The following ADAMTSL3 variants were observed in gnomAD, a reference collection of about 807,000 sequenced individuals.
ADAMTSL3 encodes the protein ADAMTS-like protein 3.
A neutral mutation model predicts 201.7 loss-of-function variants in ADAMTSL3; 128 were observed. The ratio of observed to expected loss-of-function variants is 0.63; its 90% confidence interval spans 0.55 to 0.73. ADAMTSL3 has a LOEUF of 0.73. ADAMTSL3 is among the 30% of genes least tolerant of loss of function. ADAMTSL3 has a pLI of 0.00. For synonymous variants in ADAMTSL3, 738 were observed against 748.4 expected (o/e 0.99, Z 0.23); for missense variants, 1,990 against 2,119.6 (o/e 0.94, Z 1.20).
At chr15:84,007,464 A>T (rs2067915398) in intron 23 of ADAMTSL3, among the ~76,000 whole-genome samples, 1 of 152,178 alleles carries the variant, frequency 6.6e-6, no homozygotes, top group African/African-American at 2.4e-5. Context: ...CTGAGATGGG[A>T]GGATCCCTGG....
At chr15:83,680,516 T>G (rs77797052) in intron 2 of ADAMTSL3, among the ~76,000 whole-genome samples, 8 of 150,222 alleles carry the variant, frequency 5.3e-5, no homozygotes, top group Admixed American at 2.0e-4. Context: ...AGTTGTTGTT[T>G]TTTTTTTTTT....
intron 17 of ADAMTSL3, among the ~76,000 whole-genome samples, chr15:83,939,950 T>G (rs1263954573): frequency 6.6e-6 from 1 of 152,200 alleles, no homozygotes; most frequent in Non-Finnish European, 1.5e-5. Flanking sequence ...CATTTTCTAA[T>G]TCATTCATTT....
chr15:83,856,490 T>TA (rs1425980846), intron 7 of ADAMTSL3, among the ~76,000 whole-genome samples: 1 of 151,902 alleles, frequency 6.6e-6, no homozygotes. Context: ...TCCTTTTTTT[T>TA]AAAAAAAGCT....
chr15:83,901,773 T>A (rs1157569707), intron 15 of ADAMTSL3, among the ~76,000 whole-genome samples: 3 of 152,152 alleles, frequency 2.0e-5, no homozygotes, highest in Non-Finnish European at 4.4e-5. Context: ...CCTTCTCACA[T>A]CTCTGATCAC....
intron 9 of ADAMTSL3, among the ~76,000 whole-genome samples, chr15:83,874,664 C>T (rs2141837807): frequency 6.9e-6 from 1 of 144,024 alleles, no homozygotes; most frequent in East Asian, 2.3e-4. Flanking sequence ...AGATGCAGAG[C>T]TCTAAAGCCA....
At chr15:83,853,471 T>G (rs2064662223) in intron 7 of ADAMTSL3, among the ~76,000 whole-genome samples, 1 of 152,196 alleles carries the variant, frequency 6.6e-6, no homozygotes, top group African/African-American at 2.4e-5. Flanking sequence ...CATTTATAAA[T>G]GGTGTTACAA....
rs2061056606 is a variant in ADAMTSL3, at chr15:83,654,927, A to G, written c.-34+651A>G. On this transcript the variant is annotated intron_variant, in intron 1 of 29. Transcript: ENST00000286744. The surrounding 1 kb of genome is among the most constrained non-coding windows in gnomAD (Gnocchi z 5.3). Reference sequence around the variant, plus strand: ...CCCTTAATGCCTTCTCCAGATGGAGAGAAGCCACCGACCCGCCCCCGGACA... The same window carrying G: ...CCCTTAATGCCTTCTCCAGATGGAGGGAAGCCACCGACCCGCCCCCGGACA... 1.3e-5 allele frequency among the ~76,000 whole-genome samples: 2 copies of G among 152,186 alleles called. No individual in the cohort carries two copies. The highest frequency in any genetic ancestry group is 4.8e-5 in the African/African-American group (2 of 41,448).
chr15:83,828,215 G>T (rs1259380608), intron 6 of ADAMTSL3, among the ~76,000 whole-genome samples: 3 of 152,164 alleles, frequency 2.0e-5, no homozygotes, highest in Admixed American at 6.5e-5. Flanking sequence ...GCAGTGGTTT[G>T]TAGTTCTCCT....
intron 3 of ADAMTSL3, among the ~76,000 whole-genome samples, chr15:83,728,609 C>T (rs1038388531): frequency 7.2e-5 from 11 of 151,944 alleles, no homozygotes; most frequent in Non-Finnish European, 1.3e-4. Context: ...CATAAACAAA[C>T]TGACAAGCAA....
chr15:83,992,157 A>C (rs1216235813), intron 23 of ADAMTSL3, among the ~76,000 whole-genome samples: 1 of 152,042 alleles, frequency 6.6e-6, no homozygotes, highest in Non-Finnish European at 1.5e-5. Context: ...GTGACAGAGG[A>C]GCTTTTGCTG....
At chr15:83,960,752 A>C (rs745710922) in intron 19 of ADAMTSL3, among the ~76,000 whole-genome samples, 1 of 152,208 alleles carries the variant, frequency 6.6e-6, no homozygotes, top group Non-Finnish European at 1.5e-5. Context: ...GGTAGAGGAA[A>C]TAAGAGATTT....
intron 8 of ADAMTSL3, among the ~76,000 whole-genome samples, chr15:83,870,430 T>C (rs2141826428): frequency 6.6e-6 from 1 of 152,334 alleles, no homozygotes; most frequent in South Asian, 2.1e-4. Context: ...GCTGTGATTT[T>C]TGTCTAAAAG....
intron 17 of ADAMTSL3, among the ~76,000 whole-genome samples, 174 bp downstream of exon 17, chr15:83,924,207 C>T (rs1285094382): frequency 6.6e-6 from 1 of 152,236 alleles, no homozygotes; most frequent in Non-Finnish European, 1.5e-5. Flanking sequence ...CCTAGGTGCT[C>T]AGATGCAGCC....
intron 3 of ADAMTSL3, among the ~76,000 whole-genome samples, chr15:83,724,620 G>A (rs932315549): frequency 4.0e-5 from 6 of 151,662 alleles, no homozygotes; most frequent in Non-Finnish European, 7.4e-5. Flanking sequence ...ACCCTGTTGT[G>A]CTACCAGATA....
At chr15:84,033,853 TAA>T (rs1280966416) in intron 28 of ADAMTSL3, among the ~76,000 whole-genome samples, 1 of 152,068 alleles carries the variant, frequency 6.6e-6, no homozygotes, top group Non-Finnish European at 1.5e-5. Flanking sequence ...ATACGGAAGA[TAA>T]AGAGTATAGA....
chr15:83,695,013 G>A (rs1157643097), intron 2 of ADAMTSL3, among the ~76,000 whole-genome samples: 1 of 151,852 alleles, frequency 6.6e-6, no homozygotes, highest in African/African-American at 2.4e-5. Context: ...AGGGATGTGG[G>A]AGTCAGTGTG....
At chr15:83,898,673 T>C (rs2065664808) in intron 14 of ADAMTSL3, among the ~76,000 whole-genome samples, 1 of 152,332 alleles carries the variant, frequency 6.6e-6, no homozygotes, top group African/African-American at 2.4e-5. Context: ...TGATCTTCTC[T>C]GTACATAATT....
At chr15:83,777,130 G>A (rs1440907492) in intron 4 of ADAMTSL3, among the ~76,000 whole-genome samples, 1 of 152,166 alleles carries the variant, frequency 6.6e-6, no homozygotes, top group Non-Finnish European at 1.5e-5. Context: ...CCCCGCCCCT[G>A]AGCCAACACC....
intron 3 of ADAMTSL3, chr15:83,739,666 AT>A (rs2062423849): frequency 4.5e-6 from 1 of 222,546 alleles, no homozygotes; most frequent in African/African-American, 2.3e-5. Context: ...AACCTGTACT[AT>A]TAAAAAATAG....
Sources: gnomAD v4.1 joint callset for allele counts (sites outside exome capture counted in the v4.1 genomes callset) on GRCh38, gnomAD v4.1.1 for gene constraint, Gnocchi (gnomAD v3.1) non-coding constraint, MANE v1.5 for transcripts, NCBI Gene and HGNC (gene_info 2026-07-23, HGNC 2026-07-21) for gene names.